The following SUCLG2 variants were observed in gnomAD, a reference collection of about 807,000 sequenced individuals.
SUCLG2 encodes succinate--CoA ligase [GDP-forming] subunit beta, mitochondrial.
SUCLG2 carries 42 observed loss-of-function variants against 47.9 expected under a neutral mutation model. The ratio of observed to expected loss-of-function variants is 0.88; its 90% CI spans 0.69 to 1.14. SUCLG2 has a LOEUF of 1.14. Among genes scored for constraint, SUCLG2 ranks in the 50% most tolerant of loss-of-function variants. The pLI is 0.00. For synonymous variants in SUCLG2, 195 were observed against 197.3 expected, an observed-to-expected ratio of 0.99 and a Z score of 0.10; for missense variants, 571 against 525.9, an observed-to-expected ratio of 1.09 and a Z score of -0.84.
At chr3:67,422,501 A>AAAAAAAAAAAAAAAAAAAAAAC (rs1703189796) in intron 9 of SUCLG2, among the ~76,000 whole-genome samples, 1 of 146,138 alleles carries the variant, frequency 6.8e-6, no homozygotes, top group Non-Finnish European at 1.5e-5. Flanking sequence ...AAAAAAAAAA[A>AAAAAAAAAAAAAAAAAAAAAAC]AAGAACATTC....
intron 2 of SUCLG2, among the ~76,000 whole-genome samples, chr3:67,534,394 A>G (rs1392228737): frequency 6.6e-6 from 1 of 152,084 alleles, no homozygotes; most frequent in East Asian, 1.9e-4. Context: ...TCCTAAATTA[A>G]AGTTTATTAA....
chr3:67,402,567 A>G (rs1702710364), intron 9 of SUCLG2, among the ~76,000 whole-genome samples: 2 of 152,248 alleles, frequency 1.3e-5, no homozygotes, highest in African/African-American at 2.4e-5. Context: ...GAGGCTTGGT[A>G]CAGCAGTAGT....
At chr3:67,577,270 T>C (rs1244543670) in intron 2 of SUCLG2, among the ~76,000 whole-genome samples, 1 of 151,922 alleles carries the variant, frequency 6.6e-6, no homozygotes, top group East Asian at 1.9e-4. Context: ...ATCCTGCCAC[T>C]GCACTTCAGC....
intron 7 of SUCLG2, among the ~76,000 whole-genome samples, chr3:67,499,783 G>A (rs1272862660): frequency 6.6e-6 from 1 of 152,062 alleles, no homozygotes; most frequent in East Asian, 1.9e-4. Flanking sequence ...CCAGGCTGGA[G>A]TGCAGTGGCG....
chr3:67,640,755 C>T (rs903898349), intron 1 of SUCLG2, among the ~76,000 whole-genome samples: 1 of 152,126 alleles, frequency 6.6e-6, no homozygotes, highest in African/African-American at 2.4e-5. Context: ...AGTGATTTCA[C>T]TTTTATGTTC....
chr3:67,580,761 C>G (rs142812710), intron 2 of SUCLG2, among the ~76,000 whole-genome samples: 1 of 151,960 alleles, frequency 6.6e-6, no homozygotes. Context: ...TATTATAGAC[C>G]GTCAATCATA....
intron 9 of SUCLG2, among the ~76,000 whole-genome samples, chr3:67,421,773 T>C (rs1703164160): frequency 6.6e-6 from 1 of 152,258 alleles, no homozygotes; most frequent in South Asian, 2.1e-4. Context: ...TATTAATAAA[T>C]GAAGAATGAA....
intron 2 of SUCLG2, among the ~76,000 whole-genome samples, chr3:67,552,806 A>G (rs1028807246): frequency 4.6e-5 from 7 of 152,244 alleles, no homozygotes; most frequent in Non-Finnish European, 7.3e-5. Context: ...TGACTGATAA[A>G]TGTAAACTAC....
At chr3:67,634,124 G>A (rs999244797) in intron 1 of SUCLG2, among the ~76,000 whole-genome samples, 6 of 152,084 alleles carry the variant, frequency 3.9e-5, no homozygotes, top group Non-Finnish European at 5.9e-5. Flanking sequence ...ACTTCCTTTC[G>A]TATCCACATG....
At chr3:67,411,304 A>G (rs987878218) in intron 9 of SUCLG2, among the ~76,000 whole-genome samples, 2 of 152,182 alleles carry the variant, frequency 1.3e-5, no homozygotes, top group Non-Finnish European at 2.9e-5. Flanking sequence ...CAGAGAAATG[A>G]AGACAAATTT....
intron 2 of SUCLG2, among the ~76,000 whole-genome samples, chr3:67,571,212 C>A (rs1354003396): frequency 6.6e-6 from 1 of 152,164 alleles, no homozygotes; most frequent in East Asian, 1.9e-4. Context: ...GGACACAGTT[C>A]TGGTGGTTAC....
intron 10 of SUCLG2, among the ~76,000 whole-genome samples, chr3:67,390,609 A>G (rs1370606909): frequency 2.0e-5 from 3 of 151,776 alleles, no homozygotes; most frequent in South Asian, 2.1e-4. Flanking sequence ...TTTGTAACCA[A>G]TTGTTTCTGG....
intron 6 of SUCLG2, among the ~76,000 whole-genome samples, chr3:67,515,197 T>C (rs1705910358): frequency 6.6e-6 from 1 of 152,212 alleles, no homozygotes. Flanking sequence ...ATACTGTTGT[T>C]AATATCTTAC....
chr3:67,584,360 T>C (rs1199669947), intron 2 of SUCLG2, among the ~76,000 whole-genome samples: 4 of 152,266 alleles, frequency 2.6e-5, no homozygotes, highest in Middle Eastern at 3.4e-3. Context: ...ACAATGCAGA[T>C]TAATGGTTGC....
intron 2 of SUCLG2, among the ~76,000 whole-genome samples, chr3:67,565,398 T>C (rs1707426875): frequency 6.6e-6 from 1 of 152,222 alleles, no homozygotes; most frequent in Admixed American, 6.5e-5. Flanking sequence ...AAAGTAGTTA[T>C]TTTATTATTT....
At chr3:67,493,635 A>G (rs1408709239) in intron 9 of SUCLG2, among the ~76,000 whole-genome samples, 1 of 152,152 alleles carries the variant, frequency 6.6e-6, no homozygotes, top group Non-Finnish European at 1.5e-5. Context: ...GTGGCTCTCT[A>G]TTATCCTTTG....
rs374667658 is a variant in SUCLG2 at position 67,622,433 on chromosome 3, GACA to G, written c.85-12840_85-12838del. Among the ~76,000 whole-genome samples the G allele has an allele frequency of 5.8e-3, 876 of 152,258 alleles. 11 individuals carry two copies. Among genetic ancestry groups the G allele is most frequent in the African/African-American group, 0.02 (837 of 41,544 alleles). ...GAAGGGATCATGGATTTTCCGATGA[GACA>G]ACAACAGACTTCGATTTCATCACTT... On this transcript the variant is annotated intron_variant, in intron 1 of 10. Transcript: ENST00000307227.
intron 9 of SUCLG2, among the ~76,000 whole-genome samples, chr3:67,403,492 T>C (rs920054046): frequency 1.3e-5 from 2 of 151,952 alleles, no homozygotes; most frequent in African/African-American, 4.8e-5. Context: ...GAATTAAGTT[T>C]TGGGATATGG....
At chr3:67,560,728 T>C (rs1707287299) in intron 2 of SUCLG2, among the ~76,000 whole-genome samples, 1 of 152,178 alleles carries the variant, frequency 6.6e-6, no homozygotes, top group African/African-American at 2.4e-5. Context: ...CATCTGCTTT[T>C]CTAGTGCCTC....
Sources: gnomAD v4.1 joint callset for allele counts (sites outside exome capture counted in the v4.1 genomes callset) on GRCh38, gnomAD v4.1.1 for gene constraint, MANE v1.5 for transcripts, NCBI Gene and HGNC (gene_info 2026-07-23, HGNC 2026-07-21) for gene names.